The following PRDM2 variants were observed in gnomAD, a reference collection of about 807,000 sequenced individuals.
PRDM2 encodes PR domain zinc finger protein 2.
A neutral mutation model predicts 130.0 loss-of-function variants in PRDM2; 30 were observed. The observed-to-expected ratio is 0.23, with a 90% CI of 0.17 to 0.31. The LOEUF (loss-of-function observed/expected upper bound fraction) is 0.31, where lower values mean the gene tolerates loss of function less well. Among genes scored for constraint, PRDM2 ranks in the 10% least tolerant of loss-of-function variants. The pLI is 1.00. For missense variants in PRDM2, 2,011 were observed against 2,108.4 expected (o/e 0.95, Z 0.90); for synonymous variants, 871 against 782.4 (o/e 1.11, Z -1.89).
At chr1:13,778,248 C>G (rs758398377) in intron 7 of PRDM2, among the ~76,000 whole-genome samples, 170 bp from the exon 8 acceptor site, 3 of 152,140 alleles carry the variant, frequency 2.0e-5, no homozygotes, top group Non-Finnish European at 4.4e-5. Flanking sequence ...GATTCATATC[C>G]AATACAACTT....
chr1:13,793,575 A>T (rs1644876421), intron 8 of PRDM2, among the ~76,000 whole-genome samples: 1 of 152,190 alleles, frequency 6.6e-6, no homozygotes, highest in African/African-American at 2.4e-5. Flanking sequence ...GTTTCTATTA[A>T]TTTCATGAGT....
At chr1:13,714,061 G>A (rs1487965448) in intron 1 of PRDM2, among the ~76,000 whole-genome samples, 1 of 152,134 alleles carries the variant, frequency 6.6e-6, no homozygotes, top group Non-Finnish European at 1.5e-5. Flanking sequence ...AGTAGAGACG[G>A]GGTTTCACCG....
At chr1:13,801,602 A>G (rs947726711) in intron 8 of PRDM2, among the ~76,000 whole-genome samples, 3 of 152,200 alleles carry the variant, frequency 2.0e-5, no homozygotes, top group Admixed American at 6.5e-5. Context: ...CTCATCTGTA[A>G]AATGCACTAG....
At chr1:13,758,944 T>C (rs1323547085) in intron 6 of PRDM2, among the ~76,000 whole-genome samples, 1 of 152,194 alleles carries the variant, frequency 6.6e-6, no homozygotes, top group Admixed American at 6.5e-5. Context: ...TAACAGTTTA[T>C]AAGATAAGAA....
At chr1:13,762,029 C>T (rs1273673385) in intron 6 of PRDM2, among the ~76,000 whole-genome samples, 7 of 152,144 alleles carry the variant, frequency 4.6e-5, no homozygotes, top group Non-Finnish European at 1.0e-4. Context: ...GGAACATATG[C>T]CGACAATTTA....
chr1:13,735,337 G>A (rs1335493834), intron 4 of PRDM2, among the ~76,000 whole-genome samples: 2 of 152,164 alleles, frequency 1.3e-5, no homozygotes, highest in Non-Finnish European at 2.9e-5. Flanking sequence ...GCAGGGAGCC[G>A]CTAGCTAGCT....
At chr1:13,725,063 C>T (rs762461941) in intron 2 of PRDM2, among the ~76,000 whole-genome samples, 4 of 152,114 alleles carry the variant, frequency 2.6e-5, no homozygotes, top group Admixed American at 6.5e-5. Context: ...AGACTGGAGG[C>T]GGTCTTAGTG....
chr1:13,822,011 G>A (rs529460466), intron 9 of PRDM2, among the ~76,000 whole-genome samples: 1 of 152,200 alleles, frequency 6.6e-6, no homozygotes, highest in Non-Finnish European at 1.5e-5. Flanking sequence ...ATGGGGATCT[G>A]TGTTGCCTGC....
chr1:13,709,201 T>C (rs1178498789), intron 1 of PRDM2, among the ~76,000 whole-genome samples: 1 of 152,152 alleles, frequency 6.6e-6, no homozygotes, highest in Admixed American at 6.5e-5. Flanking sequence ...GCAGTGGGTT[T>C]TTTGGATATG....
At chr1:13,705,568 C>T (rs1300032649) in intron 1 of PRDM2, 1 of 152,208 alleles carries the variant, frequency 6.6e-6, no homozygotes, top group Non-Finnish European at 1.5e-5. Flanking sequence ...CTGAGGCACC[C>T]ACTTGGGACA....
At chr1:13,706,311 ATTC>A (rs1642209746) in intron 1 of PRDM2, among the ~76,000 whole-genome samples, 2 of 152,002 alleles carry the variant, frequency 1.3e-5, no homozygotes, top group South Asian at 4.1e-4. Flanking sequence ...CTACTTCCTT[ATTC>A]TTTTCTGTCA....
At chr1:13,760,622 T>TA (rs1644073985) in intron 6 of PRDM2, among the ~76,000 whole-genome samples, 2 of 152,208 alleles carry the variant, frequency 1.3e-5, no homozygotes, top group African/African-American at 4.8e-5. Context: ...CTGCACCAGT[T>TA]AATTGCATTG....
At chr1:13,755,798 T>C (rs1329271702) in intron 6 of PRDM2, among the ~76,000 whole-genome samples, 2 of 152,166 alleles carry the variant, frequency 1.3e-5, no homozygotes, top group Non-Finnish European at 2.9e-5. Context: ...AAATAACTTT[T>C]AAAGTTTATT....
At chr1:13,722,253 C>T (rs1426826460) in intron 2 of PRDM2, among the ~76,000 whole-genome samples, 1 of 152,000 alleles carries the variant, frequency 6.6e-6, no homozygotes, top group Non-Finnish European at 1.5e-5. Context: ...GCGGTCGTTG[C>T]GAGTTGTTGG....
At chr1:13,742,369 G>C (rs1443171175) in intron 5 of PRDM2, among the ~76,000 whole-genome samples, 1 of 152,106 alleles carries the variant, frequency 6.6e-6, no homozygotes, top group Non-Finnish European at 1.5e-5. Flanking sequence ...ACCCGGCTGA[G>C]TTTTGAATTT....
chr1:13,731,905 G>A (rs150444244), intron 3 of PRDM2, among the ~76,000 whole-genome samples: 4 of 152,224 alleles, frequency 2.6e-5, no homozygotes, highest in Non-Finnish European at 5.9e-5. Flanking sequence ...TGAACATATT[G>A]TTCAAATGAA....
intron 8 of PRDM2, among the ~76,000 whole-genome samples, chr1:13,790,453 A>G (rs1449996739): frequency 6.6e-6 from 1 of 152,086 alleles, no homozygotes; most frequent in Admixed American, 6.5e-5. Context: ...TTGAGGGTGA[A>G]GGAACCACGG....
At chr1:13,704,761 G>T (rs1642158065) in intron 1 of PRDM2, 1 of 152,172 alleles carries the variant, frequency 6.6e-6, no homozygotes. Flanking sequence ...CCATGTAAGA[G>T]TCACTAAACC....
rs112134090 is a variant in PRDM2, at chr1:13,792,973, C to T, written c.5036+10142C>T. 4.8e-3 allele frequency among the ~76,000 whole-genome samples: 734 copies of T among 152,372 alleles called. 8 individuals are homozygous for T. The highest frequency in any genetic ancestry group is 0.017 in the African/African-American group (698 of 41,576). On this transcript the variant is annotated intron_variant, in intron 8 of 9. Transcript: ENST00000311066. ...CTGGTTCCAGAGCCAAGCTCAACTA[C>T]AATTTGAAACCACCTAATCACTGTG...
Sources: allele counts gnomAD v4.1 joint callset (sites outside exome capture counted in the v4.1 genomes callset), GRCh38; gene constraint gnomAD v4.1.1; transcripts MANE v1.5; gene names NCBI Gene and HGNC (gene_info 2026-07-23, HGNC 2026-07-21).